The following PGM2 variants were observed in gnomAD, a reference collection of about 807,000 sequenced individuals.
PGM2 encodes the protein phosphoglucomutase 2, also known as phosphopentomutase.
A neutral mutation model predicts 74.6 loss-of-function variants in PGM2; 57 were observed. The observed-to-expected ratio is 0.76, with a 90% CI of 0.62 to 0.95. The LOEUF is 0.95. Ranked by LOEUF, PGM2 falls within the 40% of genes least tolerant of loss-of-function variation. The pLI, the probability that PGM2 is intolerant of heterozygous loss-of-function variation, is 0.00. For synonymous variants in PGM2, 273 were observed against 260.7 expected, an observed-to-expected ratio of 1.05 and a Z score of -0.46; for missense variants, 706 against 741.9, an observed-to-expected ratio of 0.95 and a Z score of 0.56.
chr4:37,845,307 A>T (rs1429892292), intron 7 of PGM2, among the ~76,000 whole-genome samples: 1 of 152,174 alleles, frequency 6.6e-6, no homozygotes, highest in Non-Finnish European at 1.5e-5. Flanking sequence ...TTTATTTGTG[A>T]GGCTGATCAC....
At chr4:37,858,247 T>G (rs1326808554) in intron 13 of PGM2, among the ~76,000 whole-genome samples, 1 of 152,198 alleles carries the variant, frequency 6.6e-6, no homozygotes, top group Non-Finnish European at 1.5e-5. Flanking sequence ...AATGGGACAT[T>G]AAGCGCTATG....
chr4:37,834,746 A>G (rs764814949), intron 3 of PGM2, 22 bp downstream of exon 3: 11 of 1,141,168 alleles, frequency 9.6e-6, no homozygotes, highest in Admixed American at 4.1e-5. Context: ...TTTTTACAAA[A>G]TGATGTTTTT....
intron 12 of PGM2, among the ~76,000 whole-genome samples, chr4:37,852,412 C>T (rs1323162161): frequency 4.9e-5 from 2 of 40,614 alleles, no homozygotes; most frequent in Non-Finnish European, 1.5e-4. Flanking sequence ...GGGTGCACAG[C>T]TGTCATCCTG....
chr4:37,839,893 A>G lies in PGM2; in HGVS notation c.487A>G (p.Thr163Ala), dbSNP rs758657853. 6 of 1,605,874 alleles carry G rather than the reference A, an allele frequency of 3.7e-6. No homozygotes were observed. In the South Asian group the frequency reaches 6.6e-5, roughly 18 times the overall value. ...HLKLCAGIMITASHNPKQDNG... is the reference protein window; with the variant it reads ...HLKLCAGIMIAASHNPKQDNG... ...GAAACTTTGTGCTGGAATCATGATAACTGCATCTCACAATCCAAAGCAGGA... is the reference window on the plus strand; with the variant it reads ...GAAACTTTGTGCTGGAATCATGATAGCTGCATCTCACAATCCAAAGCAGGA... Residue 163 changes from threonine to alanine, a missense_variant, in exon 5 of 14, where the codon ACT becomes GCT. By Grantham distance (58) the Thr-to-Ala change is moderately conservative. Coordinates refer to ENST00000381967, the MANE Select transcript of PGM2 (RefSeq NM_018290.4).
Position 37,834,725 on chromosome 4 carries a change from G to T in PGM2, c.356+1G>T. 1 of 1,348,982 alleles carries T rather than the reference G, an allele frequency of 7.4e-7. No homozygotes were observed. The highest frequency in any genetic ancestry group is 1.5e-5 in the African/African-American group (1 of 66,946). 83.6% of individuals were successfully genotyped at this position (1,348,982 alleles called of 1,614,324 possible). A position where few individuals can be genotyped will look rare whatever the true frequency, so the allele number is the denominator to read the frequency against. ...CATCCAGTGGGGGTAGCAGCAGAAG[G>T]TATTTAAACATTTTTACAAAATGAT... On this transcript the variant is annotated splice_donor_variant, in intron 3 of 13. Transcript: ENST00000381967. LOFTEE classifies it high-confidence loss of function.
At chr4:37,855,576 T>C in intron 12 of PGM2, 32 bp from the exon 13 acceptor site, 1 of 1,596,946 alleles carries the variant, frequency 6.3e-7, no homozygotes, top group Non-Finnish European at 8.5e-7. Flanking sequence ...AATGTTACTA[T>C]TTAAATTTAT....
In PGM2 at chr4:37,826,765, G is replaced by C. The variant is rs1465574393; in HGVS notation, c.33G>C (p.Glu11Asp). The C allele has an allele frequency of 4.5e-6, 7 of 1,549,908 alleles. No individual in the cohort carries two copies. Among genetic ancestry groups the C allele is most frequent in the Non-Finnish European group, 6.1e-6 (7 of 1,146,486 alleles). Residue 11 changes from glutamate to aspartate, a missense_variant, in exon 1 of 14, where the codon GAG (glutamate) becomes GAC (aspartate). Physicochemically the swap from Glu to Asp is conservative, Grantham distance 45. Around this residue, in one of 3 missense-constraint regions of PGM2, gnomAD observed 332 missense variants for 334.9 expected, o/e 0.99. Transcript: ENST00000381967. MAAPEGSGLG[E>D]DARLDQETAQ... is the part of the protein sequence containing the mutation. Reference sequence around the variant, plus strand: ...CTCCAGAAGGCAGCGGTCTAGGCGAGGACGCCCGGCTGGACCAGGAGACCG... The same window carrying C: ...CTCCAGAAGGCAGCGGTCTAGGCGACGACGCCCGGCTGGACCAGGAGACCG...
At chr4:37,854,491 C>T (rs1207035294) in intron 12 of PGM2, among the ~76,000 whole-genome samples, 1 of 152,064 alleles carries the variant, frequency 6.6e-6, no homozygotes, top group Non-Finnish European at 1.5e-5. Flanking sequence ...GCTGAGATTA[C>T]AGGCACCCGC....
chr4:37,857,854 G>A (rs1298624640), intron 13 of PGM2, among the ~76,000 whole-genome samples: 1 of 152,282 alleles, frequency 6.6e-6, no homozygotes, highest in East Asian at 1.9e-4. Flanking sequence ...GCATTAGATA[G>A]TAAGCTCTTT....
At chr4:37,827,549 C>G (rs902691169) in intron 1 of PGM2, among the ~76,000 whole-genome samples, 4 of 151,998 alleles carry the variant, frequency 2.6e-5, no homozygotes, top group Non-Finnish European at 4.4e-5. Context: ...ACTTGTTTCT[C>G]CCGTTGTGAC....
intron 12 of PGM2, among the ~76,000 whole-genome samples, chr4:37,853,718 G>C (rs7692878): frequency 0.062 from 9,370 of 152,198 alleles, 494 homozygotes; most frequent in East Asian, 0.17. Flanking sequence ...GATAAGATGA[G>C]ATGCCAAGGC....
Position 37,840,190 on chromosome 4 carries a change from T to C in PGM2, c.650T>C (p.Leu217Pro), listed in dbSNP as rs929292636. 1 of 1,612,976 alleles carries C rather than the reference T, an allele frequency of 6.2e-7. No homozygotes were observed. Among genetic ancestry groups the C allele is most frequent in the Admixed American group, 1.7e-5 (1 of 60,018 alleles). The change falls in exon 6 of 14, where the codon CTT (leucine) becomes CCT (proline). Residue 217 changes from leucine (L) to proline (P), a missense_variant. Leu to Pro is a moderately conservative substitution (Grantham distance 98, BLOSUM62 -3). Around this residue, in one of 3 missense-constraint regions of PGM2, gnomAD observed 332 missense variants for 334.9 expected, o/e 0.99. Coordinates refer to ENST00000381967, the MANE Select transcript of PGM2 (RefSeq NM_018290.4). ...GATTCTTTAATTGATAGCAGTCCAC[T>C]TCTCCACAATCCGAGTGCTTCCATC... ...WDDSLIDSSP[L>P]LHNPSASINN...
At position 37,846,934 on chromosome 4, in the gene PGM2, T is replaced by C; in HGVS notation, c.1011T>C (p.Gly337=). The C allele has an allele frequency of 6.3e-7, 1 of 1,598,030 alleles. No homozygotes were observed. Among genetic ancestry groups the C allele is most frequent in the African/African-American group, 1.4e-5 (1 of 73,746 alleles). ...TGTTGTTTTTTTTTTCTTTCAGTGG[T>C]GAATGGAGGGTGTTTTCAGGCAATG... is the stretch of plus-strand genomic sequence containing the variant. ...RLAVAEKQDS[G]EWRVFSGNEL... is the part of the protein sequence containing the mutation. The change falls in exon 9 of 14, where the codon GGT becomes GGC. Residue 337 remains glycine (G), a synonymous_variant. Coordinates refer to ENST00000381967, the MANE Select transcript of PGM2 (RefSeq NM_018290.4).
chr4:37,834,762 T>A (rs1444838770), intron 3 of PGM2, 38 bp downstream of exon 3: 1 of 1,023,202 alleles, frequency 9.8e-7, no homozygotes, highest in Non-Finnish European at 1.5e-6. Context: ...TTTTTATAAT[T>A]TATTTTGCAG....
intron 12 of PGM2, among the ~76,000 whole-genome samples, chr4:37,851,313 C>G (rs1165842071): frequency 6.6e-6 from 1 of 152,246 alleles, no homozygotes; most frequent in Admixed American, 6.5e-5. Context: ...GGTACTGATG[C>G]AACTGGTCCT....
rs919493526 is a variant in PGM2 at position 37,861,720 on chromosome 4, T to C, written c.*108T>C. 13 of 702,396 alleles carry C rather than the reference T, an allele frequency of 1.9e-5. No individual in the cohort carries two copies. In the African/African-American group the frequency reaches 1.9e-4, roughly 10 times the overall value. The allele number at this position is 702,396 out of a possible 1,614,324, so 43.5% of individuals were successfully genotyped here. On this transcript the variant is annotated 3_prime_UTR_variant, in exon 14 of 14. Coordinates refer to ENST00000381967, the MANE Select transcript of PGM2 (RefSeq NM_018290.4). ...TGATTCAAAACATCACAGGTATTTA[T>C]GTGTTTTACAAAGACCTACATTCCT...
chr4:37,834,690 C>T lies in PGM2; in HGVS notation c.322C>T (p.Arg108Ter), dbSNP rs370603368. ...QKGIVISFDA[R>*]AHPSSGGSSR... is the part of the protein sequence containing the mutation. ...AGGCATCGTGATCAGTTTTGACGCC[C>T]GAGCTCATCCATCCAGTGGGGGTAG... The change falls in exon 3 of 14, where the codon CGA (arginine) becomes TGA (stop). Residue 108 changes from arginine (R) to a stop codon, truncating the protein, a stop_gained. Transcript: ENST00000381967. LOFTEE classifies it high-confidence loss of function. 1.1e-5 allele frequency: 18 copies of T among 1,587,918 alleles called. No individual in the cohort carries two copies. The highest frequency in any genetic ancestry group is 8.4e-5 in the Admixed American group (5 of 59,358).
Position 37,829,983 on chromosome 4 carries a change from C to T in PGM2, c.101C>T (p.Ala34Val), listed in dbSNP as rs1465377082. Residue 34 changes from alanine to valine, a missense_variant, in exon 2 of 14, where the codon GCA becomes GTA. This residue lies in a region of PGM2 where 332 missense variants were observed against 334.9 expected (regional missense o/e 0.99). Coordinates refer to ENST00000381967, the MANE Select transcript of PGM2 (RefSeq NM_018290.4). The stretch of plus-strand genomic sequence containing the variant: ...TTTCAGAATTCCTTAACTTTGGAGG[C>T]AGTGAAACGACTAATAGCAGAAGGT... Reference protein sequence around the residue: ...RWDKNSLTLEAVKRLIAEGNK... With the variant: ...RWDKNSLTLEVVKRLIAEGNK... 1 of 1,601,400 alleles carries T rather than the reference C, an allele frequency of 6.2e-7. No individual in the cohort carries two copies. The highest frequency in any genetic ancestry group is 1.8e-5 in the Admixed American group (1 of 57,044).
At position 37,847,047 on chromosome 4, in the gene PGM2, T is replaced by A. The variant is rs751390154; in HGVS notation, c.1124T>A (p.Leu375Ter). The A allele has an allele frequency of 6.2e-7, 1 of 1,613,938 alleles. No individual in the cohort carries two copies. The highest frequency in any genetic ancestry group is 8.5e-7 in the Non-Finnish European group (1 of 1,179,774). Residue 375 changes from leucine (L) to a stop codon, truncating the protein, a stop_gained, in exon 9 of 14, where the codon TTG becomes TAG. Transcript: ENST00000381967. LOFTEE classifies it high-confidence loss of function. ...DRSALKDTYM[L>*]SSTVSSKILR... ...AGTGCTCTCAAAGACACGTACATGT[T>A]GTCCAGCACCGTCTCCTCCAAAATC...
Sources: gnomAD v4.1 joint callset for allele counts (sites outside exome capture counted in the v4.1 genomes callset) on GRCh38, gnomAD v4.1.1 for gene constraint, gnomAD v4.1.1 regional missense constraint, MANE v1.5 for transcripts, NCBI Gene and HGNC (gene_info 2026-07-23, HGNC 2026-07-21) for gene names.